The following LANCL3 variants were observed in gnomAD, a reference collection of about 807,000 sequenced individuals.
The protein encoded by LANCL3 is lanC-like protein 3.
In LANCL3, 19 loss-of-function variants were observed where a neutral mutation model predicts 26.5. The observed-to-expected ratio is 0.72, with a 90% CI of 0.50 to 1.05. The LOEUF (loss-of-function observed/expected upper bound fraction) is 1.05. LANCL3 is among the 50% of genes least tolerant of loss of function. The probability of loss-of-function intolerance (pLI) is 0.00; values close to 1 mark genes in which losing one functional copy is unlikely to be tolerated. For synonymous variants in LANCL3, 160 were observed against 166.6 expected, an observed-to-expected ratio of 0.96 and a Z score of 0.30; for missense variants, 318 against 362.7, an observed-to-expected ratio of 0.88 and a Z score of 1.00.
intron 1 of LANCL3, among the ~76,000 whole-genome samples, chrX:37,611,645 T>C (rs1313883964): frequency 1.8e-5 from 2 of 111,193 alleles, no homozygotes; most frequent in Non-Finnish European, 3.8e-5. Context: ...GCCGCCAGCA[T>C]AACTGGACTG....
intron 3 of LANCL3, among the ~76,000 whole-genome samples, chrX:37,660,379 A>G (rs915313752): frequency 8.9e-6 from 1 of 111,984 alleles, no homozygotes; most frequent in Admixed American, 9.5e-5. Context: ...GAGAATTTCC[A>G]TCAGTACCAA....
intron 1 of LANCL3, among the ~76,000 whole-genome samples, chrX:37,587,536 G>A (rs1266317058): frequency 3.5e-5 from 4 of 112,812 alleles, no homozygotes; most frequent in Non-Finnish European, 5.6e-5. Context: ...CGTGCAGTTC[G>A]ATCTCAGACT....
At chrX:37,610,351 A>G (rs138990293) in intron 1 of LANCL3, among the ~76,000 whole-genome samples, 1 of 112,240 alleles carries the variant, frequency 8.9e-6, no homozygotes, top group African/African-American at 3.2e-5. Context: ...AATGTCAGAT[A>G]ATCACACAGC....
At chrX:37,587,598 G>T (rs1453124180) in intron 1 of LANCL3, among the ~76,000 whole-genome samples, 8 of 113,142 alleles carry the variant, frequency 7.1e-5, no homozygotes, top group African/African-American at 2.6e-4. Flanking sequence ...TCCAAGCCAG[G>T]CATGGGATAT....
At chrX:37,659,228 A>G (rs1308100573) in intron 2 of LANCL3, among the ~76,000 whole-genome samples, 3 of 112,840 alleles carry the variant, frequency 2.7e-5, no homozygotes, top group Non-Finnish European at 5.6e-5. Context: ...CAAATGAATG[A>G]GCATGGCTAT....
chrX:37,610,070 A>G (rs1556420962), intron 1 of LANCL3, among the ~76,000 whole-genome samples: 1 of 112,015 alleles, frequency 8.9e-6, no homozygotes, highest in Non-Finnish European at 1.9e-5. Flanking sequence ...TTGGCAGGAC[A>G]GTTTGTCTCT....
chrX:37,624,678 A>G (rs1925264796), intron 1 of LANCL3, among the ~76,000 whole-genome samples: 1 of 111,925 alleles, frequency 8.9e-6, no homozygotes, highest in African/African-American at 3.2e-5. Context: ...TTTATTTAGT[A>G]CTAATTGTGG....
intron 1 of LANCL3, among the ~76,000 whole-genome samples, chrX:37,622,016 C>T (rs782089831): frequency 4.3e-4 from 48 of 111,686 alleles, no homozygotes; most frequent in African/African-American, 1.5e-3. Flanking sequence ...CAAACACTCT[C>T]CTCCTCTACC....
chrX:37,675,280 C>T (rs5963917), intron 4 of LANCL3, among the ~76,000 whole-genome samples: 35,538 of 111,144 alleles, frequency 0.32, 6,200 homozygotes, highest in African/African-American at 0.69. Flanking sequence ...AGCATATTTA[C>T]TTTTTTAAAG....
intron 1 of LANCL3, among the ~76,000 whole-genome samples, chrX:37,582,373 G>A (rs1186020718): frequency 8.9e-6 from 1 of 111,967 alleles, no homozygotes; most frequent in Non-Finnish European, 1.9e-5. Context: ...CTTCCACAAT[G>A]GTTGAACTTG....
chrX:37,670,629 T>A (rs1926659203), intron 4 of LANCL3, among the ~76,000 whole-genome samples: 1 of 111,519 alleles, frequency 9.0e-6, no homozygotes, highest in South Asian at 3.8e-4. Flanking sequence ...TATAAATATA[T>A]GAGTTCCATA....
chrX:37,667,008 G>T (rs371325805), intron 3 of LANCL3, among the ~76,000 whole-genome samples: 3 of 111,538 alleles, frequency 2.7e-5, no homozygotes, highest in East Asian at 5.6e-4. Context: ...TTCTCCCGGG[G>T]CCAACCCCAC....
rs6520609 is a variant in LANCL3, at chrX:37,575,074, T to C, written c.573+2631T>C. 2.7e-5 allele frequency among the ~76,000 whole-genome samples: 3 copies of C among 109,458 alleles called. No homozygotes were observed. The East Asian group carries it at 8.5e-4, about 31-fold the overall frequency. ...CCAAGTAGGTGACACCACAGGCATGTGCCACCACACCCAGCTAATTTTTTG... is the reference window on the plus strand; with the variant it reads ...CCAAGTAGGTGACACCACAGGCATGCGCCACCACACCCAGCTAATTTTTTG... On this transcript the variant is annotated intron_variant, in intron 1 of 4. Transcript: ENST00000378619.
At chrX:37,578,904 C>T (rs182550129) in intron 1 of LANCL3, among the ~76,000 whole-genome samples, 1 of 105,384 alleles carries the variant, frequency 9.5e-6, no homozygotes, top group Non-Finnish European at 1.9e-5. Flanking sequence ...CGCTTGAACC[C>T]GGGAGGCGGA....
intron 4 of LANCL3, 21 bp downstream of exon 4, chrX:37,667,510 C>A: frequency 1.2e-6 from 1 of 835,196 alleles, no homozygotes; most frequent in Non-Finnish European, 1.6e-6. Context: ...CTTTATGGGT[C>A]TTTTTTTTTT....
At chrX:37,662,592 G>A (rs782457907) in intron 3 of LANCL3, among the ~76,000 whole-genome samples, 14 of 111,680 alleles carry the variant, frequency 1.3e-4, no homozygotes, top group Non-Finnish European at 2.6e-4. Context: ...GAAGCTATAC[G>A]TGCCAAGTGT....
chrX:37,610,875 C>G (rs1924847476), intron 1 of LANCL3, among the ~76,000 whole-genome samples: 1 of 112,003 alleles, frequency 8.9e-6, no homozygotes, highest in Admixed American at 9.4e-5. Context: ...TTGGGTTCCC[C>G]CAAAGTACAT....
chrX:37,572,671 T>A (rs1359530603), intron 1 of LANCL3, among the ~76,000 whole-genome samples: 2 of 112,380 alleles, frequency 1.8e-5, no homozygotes, highest in Non-Finnish European at 3.8e-5. Context: ...TCTCTGCGCT[T>A]TGTTCGTGTT....
chrX:37,574,643 T>C (rs1286602598), intron 1 of LANCL3, among the ~76,000 whole-genome samples: 6 of 111,573 alleles, frequency 5.4e-5, no homozygotes, highest in Non-Finnish European at 1.1e-4. Context: ...CTGCAGTGGC[T>C]CCCTATTACT....
Sources: allele counts gnomAD v4.1 joint callset (sites outside exome capture counted in the v4.1 genomes callset), GRCh38; gene constraint gnomAD v4.1.1; transcripts MANE v1.5; gene names NCBI Gene and HGNC (gene_info 2026-07-23, HGNC 2026-07-21).